AKNA: variants seen among roughly 807,000 people sequenced by gnomAD.
The protein encoded by AKNA is microtubule organization protein AKNA.
Under a neutral mutation model 138.8 loss-of-function variants are expected in AKNA, and 67 were observed. The observed-to-expected ratio is 0.48, with a 90% CI of 0.40 to 0.59. The LOEUF is 0.59. AKNA is among the 20% of genes least tolerant of loss of function. AKNA has a pLI of 0.00. For synonymous variants in AKNA, 737 were observed against 754.4 expected, an observed-to-expected ratio of 0.98 and a Z score of 0.38; for missense variants, 1,813 against 1,880.4, an observed-to-expected ratio of 0.96 and a Z score of 0.66.
At chr9:114,339,281 A>AG (rs1830186486) in intron 21 of AKNA, among the ~76,000 whole-genome samples, 1 of 152,170 alleles carries the variant, frequency 6.6e-6, no homozygotes, top group Non-Finnish European at 1.5e-5. Context: ...GCTGCCCAGC[A>AG]GGGGGCAGCA....
At chr9:114,366,233 C>T (rs1832344947) in intron 6 of AKNA, among the ~76,000 whole-genome samples, 1 of 149,638 alleles carries the variant, frequency 6.7e-6, no homozygotes. Context: ...TGAGCCAAGA[C>T]TGCACCACTG....
Position 114,337,007 on chromosome 9 carries a change from C to A in AKNA, c.*47G>T. 8.1e-7 allele frequency: 1 copy of A among 1,237,444 alleles called. No homozygotes were observed. The highest frequency in any genetic ancestry group is 1.1e-6 in the Non-Finnish European group (1 of 933,820). The allele number at this position is 1,237,444 out of a possible 1,614,324, so 76.7% of individuals were successfully genotyped here. ...TCCAGCCCACTCCTGGCCTGGCAGG[C>A]CACCTGCCCACCCACCCACCCATCT... On this transcript the variant is annotated 3_prime_UTR_variant, in exon 22 of 22. Coordinates refer to ENST00000374088, the MANE Select transcript of AKNA (RefSeq NM_001317950.2).
chr9:114,352,439 A>T (rs771092419), intron 14 of AKNA, among the ~76,000 whole-genome samples: 1 of 151,266 alleles, frequency 6.6e-6, no homozygotes. Flanking sequence ...TCTACTAAAA[A>T]TACAAAAATT....
chr9:114,330,809 A>G (rs1296876981), downstream of AKNA: 3 of 1,613,984 alleles, frequency 1.9e-6, no homozygotes, highest in South Asian at 1.1e-5. Context: ...CAGTGCTTCT[A>G]TAACTCCAGT....
chr9:114,343,840 G>A (rs773771386), intron 18 of AKNA, 37 bp from the exon 19 acceptor site: 2 of 1,528,746 alleles, frequency 1.3e-6, no homozygotes, highest in Non-Finnish European at 1.8e-6. Context: ...TATCAGCCCT[G>A]TGGATGGATG....
chr9:114,337,725 T>A (rs777637863), intron 21 of AKNA, among the ~76,000 whole-genome samples: 1 of 151,950 alleles, frequency 6.6e-6, no homozygotes, highest in African/African-American at 2.4e-5. Flanking sequence ...CATGGAAGAA[T>A]ATCTGGGGGT....
In AKNA at chr9:114,336,398, G is replaced by A. The variant is rs1361672091; in HGVS notation, c.*656C>T. ...CACTGGGATCCTAGGAGAAGCTGGG[G>A]ACCATGCGTGAGGTACTGAAGGGGA... is the stretch of plus-strand genomic sequence containing the variant. On this transcript the variant is annotated 3_prime_UTR_variant, in exon 22 of 22. Transcript: ENST00000374088. 1 of 152,506 alleles carries A rather than the reference G, an allele frequency of 6.6e-6. No homozygotes were observed. The highest frequency in any genetic ancestry group is 1.9e-4 in the East Asian group (1 of 5,162). 9.4% of individuals were successfully genotyped at this position (152,506 alleles called of 1,614,324 possible).
At chr9:114,372,400 C>A (rs1400242004) in intron 4 of AKNA, among the ~76,000 whole-genome samples, 1 of 152,190 alleles carries the variant, frequency 6.6e-6, no homozygotes, top group Non-Finnish European at 1.5e-5. Flanking sequence ...AGCTGTGCTC[C>A]CCCGTGTCCA....
intron 15 of AKNA, among the ~76,000 whole-genome samples, 158 bp downstream of exon 15, chr9:114,350,701 C>T (rs1333006167): frequency 3.9e-5 from 6 of 152,178 alleles, no homozygotes; most frequent in Admixed American, 6.5e-5. Context: ...CCCACAGAAA[C>T]GCTGGGAACT....
chr9:114,391,152 C>T (rs1323637890), upstream of AKNA, among the ~76,000 whole-genome samples: 1 of 152,166 alleles, frequency 6.6e-6, no homozygotes, highest in East Asian at 1.9e-4. Context: ...CCCCTAGAGC[C>T]CAAGCAGCTT....
intron 19 of AKNA, among the ~76,000 whole-genome samples, chr9:114,343,306 C>T (rs1830479321): frequency 2.0e-5 from 3 of 152,178 alleles, no homozygotes; most frequent in South Asian, 2.1e-4. Context: ...TAAGGTCACA[C>T]AGCAAGTCAG....
chr9:114,377,596 C>G (rs1833339513), intron 2 of AKNA, 64 bp from the exon 3 acceptor site: 2 of 1,456,436 alleles, frequency 1.4e-6, no homozygotes, highest in Admixed American at 2.3e-5. Flanking sequence ...GTAACTTACC[C>G]TAAGTCACTT....
chr9:114,397,953 A>T (rs1473992676), upstream of AKNA, among the ~76,000 whole-genome samples: 2 of 152,098 alleles, frequency 1.3e-5, no homozygotes, highest in African/African-American at 2.4e-5. Context: ...TTGCTGGGTG[A>T]ACGAATCTCA....
At chr9:114,384,739 C>G (rs1171415979) in intron 1 of AKNA, among the ~76,000 whole-genome samples, 1 of 152,184 alleles carries the variant, frequency 6.6e-6, no homozygotes, top group African/African-American at 2.4e-5. Flanking sequence ...TTTATGTTAT[C>G]AGCAAAGCTT....
intron 2 of AKNA, among the ~76,000 whole-genome samples, chr9:114,378,631 T>C (rs772484693): frequency 2.6e-5 from 4 of 152,020 alleles, no homozygotes; most frequent in Non-Finnish European, 5.9e-5. Context: ...CCCCAGGAAA[T>C]AGATAGTTAT....
chr9:114,362,348 G>A, intron 8 of AKNA, 58 bp downstream of exon 8: 1 of 1,545,918 alleles, frequency 6.5e-7, no homozygotes, highest in Non-Finnish European at 8.7e-7. Context: ...CCTGGAGACT[G>A]AGGGACCCCA....
chr9:114,357,875 G>A (rs767025147), intron 12 of AKNA, 46 bp downstream of exon 12: 2 of 1,581,654 alleles, frequency 1.3e-6, no homozygotes, highest in East Asian at 2.3e-5. Context: ...GAAGACCCAG[G>A]AATGACCCTG....
chr9:114,359,966 G>A lies in AKNA; in HGVS notation c.2221C>T (p.Gln741Ter). Reference protein sequence around the residue: ...SGNSEVEDRPQDPLARLRHKE... With the variant: ...SGNSEVEDRP ...TGCCTGAGTCGGGCCAGGGGGTCCT[G>A]TGGCCTGTCCTCCACCTCACTGTTG... The change falls in exon 10 of 22, where the codon CAG (glutamine) becomes TAG (stop). Residue 741 changes from glutamine to a stop codon, truncating the protein, a stop_gained. Transcript: ENST00000374088. LOFTEE classifies it high-confidence loss of function. 6.2e-7 allele frequency: 1 copy of A among 1,614,228 alleles called. No homozygotes were observed. The highest frequency in any genetic ancestry group is 8.5e-7 in the Non-Finnish European group (1 of 1,180,030).
chr9:114,342,719 C>T (rs1830437486), intron 19 of AKNA, among the ~76,000 whole-genome samples: 1 of 152,190 alleles, frequency 6.6e-6, no homozygotes, highest in South Asian at 2.1e-4. Flanking sequence ...AACCACCACT[C>T]CCTCTGGGAA....
Sources: gnomAD v4.1 joint callset for allele counts (sites outside exome capture counted in the v4.1 genomes callset) on GRCh38, gnomAD v4.1.1 for gene constraint, MANE v1.5 for transcripts, NCBI Gene and HGNC (gene_info 2026-07-23, HGNC 2026-07-21) for gene names.